Variants in MFN1 observed in about 807,000 individuals in gnomAD.
The protein encoded by MFN1 is mitofusin-1.
Under a neutral mutation model 92.4 loss-of-function variants are expected in MFN1, and 65 were observed. The ratio of observed to expected loss-of-function variants is 0.70; its 90% CI spans 0.58 to 0.86. The LOEUF (loss-of-function observed/expected upper bound fraction) is 0.86, where lower values mean the gene tolerates loss of function less well. Ranked by LOEUF, MFN1 falls within the 40% of genes least tolerant of loss-of-function variation. The pLI is 0.00. For synonymous variants in MFN1, 297 were observed against 300.9 expected (o/e 0.99, Z 0.13); for missense variants, 781 against 868.0 (o/e 0.90, Z 1.26).
chr3:179,352,122 C>G (rs1399200202), intron 3 of MFN1, 87 bp downstream of exon 3: 4 of 1,356,648 alleles, frequency 2.9e-6, no homozygotes, highest in Non-Finnish European at 4.0e-6. Flanking sequence ...CTCCCATCCT[C>G]CCCCAGCCCC....
In MFN1 at chr3:179,394,799, TACTTCA is replaced by T; in HGVS notation, c.*2742_*2747del. The T allele has an allele frequency of 6.6e-6, 1 of 152,244 alleles. No individual in the cohort carries two copies. The highest frequency in any genetic ancestry group is 1.9e-4 in the East Asian group (1 of 5,204). The allele number at this position is 152,244 out of a possible 1,614,324, so 9.4% of individuals were successfully genotyped here. On this transcript the variant is annotated 3_prime_UTR_variant, in exon 18 of 18. Coordinates refer to ENST00000471841, the MANE Select transcript of MFN1 (RefSeq NM_033540.3). The stretch of plus-strand genomic sequence containing the variant: ...AGGAATTATGTAATTATGAGTGATG[TACTTCA>T]AAGTTATTGCACATACACTTGTTTA...
chr3:179,365,610 A>G (rs796705632), intron 7 of MFN1, among the ~76,000 whole-genome samples: 9 of 152,308 alleles, frequency 5.9e-5, no homozygotes, highest in African/African-American at 2.2e-4. Context: ...AATCCAGATC[A>G]AAAAGCAGAC....
chr3:179,360,511 C>T (rs1436580743), intron 4 of MFN1, among the ~76,000 whole-genome samples: 2 of 151,084 alleles, frequency 1.3e-5, no homozygotes, highest in African/African-American at 4.9e-5. Context: ...AATTCCCTAC[C>T]TTTCATAAAT....
At position 179,348,936 on chromosome 3, in the gene MFN1, G is replaced by A; in HGVS notation, c.85G>A (p.Val29Ile). ...TAIFDQLLEF[V>I]TEGSHFVEAT... ...AATCTTTGACCAGTTACTGGAGTTT[G>A]TTACTGAAGGATCACATTTTGTTGA... The change falls in exon 2 of 18, where the codon GTT becomes ATT. Residue 29 changes from valine to isoleucine, a missense_variant. Coordinates refer to ENST00000471841, the MANE Select transcript of MFN1 (RefSeq NM_033540.3). 1 of 1,593,048 alleles carries A rather than the reference G, an allele frequency of 6.3e-7. No homozygotes were observed. Among genetic ancestry groups the A allele is most frequent in the Non-Finnish European group, 8.6e-7 (1 of 1,163,636 alleles).
At chr3:179,369,332 C>T (rs139941938) in intron 9 of MFN1, among the ~76,000 whole-genome samples, 121 of 152,312 alleles carry the variant, frequency 7.9e-4, no homozygotes, top group African/African-American at 2.7e-3. Flanking sequence ...CCACCTCAGC[C>T]TCCTCTCCTC....
At chr3:179,364,593 C>T (rs552345286) in intron 6 of MFN1, among the ~76,000 whole-genome samples, 188 bp downstream of exon 6, 3 of 152,152 alleles carry the variant, frequency 2.0e-5, no homozygotes, top group African/African-American at 7.2e-5. Context: ...TGTGTAGTTC[C>T]CTGGATTTCT....
rs1215344169 is a variant in MFN1 at position 179,366,236 on chromosome 3, G to A, written c.753+1011G>A. 2.0e-5 allele frequency among the ~76,000 whole-genome samples: 3 copies of A among 152,106 alleles called. No individual in the cohort carries two copies. The East Asian group carries it at 5.8e-4, about 29-fold the overall frequency. Reference sequence around the variant, plus strand: ...TAATGCAGACGTCAGTAAACCATGGGTATATGTACTTAGAGGTAAAACTGC... The same window carrying A: ...TAATGCAGACGTCAGTAAACCATGGATATATGTACTTAGAGGTAAAACTGC... On this transcript the variant is annotated intron_variant, in intron 7 of 17. Coordinates refer to ENST00000471841, the MANE Select transcript of MFN1 (RefSeq NM_033540.3).
intron 14 of MFN1, among the ~76,000 whole-genome samples, 194 bp from the exon 15 acceptor site, chr3:179,385,375 T>C (rs919486796): frequency 2.0e-5 from 3 of 152,104 alleles, no homozygotes; most frequent in Non-Finnish European, 4.4e-5. Context: ...AATTTATTGT[T>C]CATGATATCA....
At chr3:179,348,628 G>T in intron 1 of MFN1, 1 of 552,454 alleles carries the variant, frequency 1.8e-6, no homozygotes, top group South Asian at 4.6e-5. Flanking sequence ...TTGCAACCAA[G>T]ATTTTGGCTA....
intron 17 of MFN1, among the ~76,000 whole-genome samples, chr3:179,391,604 T>C (rs1431544389): frequency 6.6e-6 from 1 of 152,158 alleles, no homozygotes; most frequent in Non-Finnish European, 1.5e-5. Context: ...CCTGGCATAG[T>C]GTGAGAGTGG....
At chr3:179,375,106 T>G in intron 9 of MFN1, 114 bp from the exon 10 acceptor site, 1 of 1,204,276 alleles carries the variant, frequency 8.3e-7, no homozygotes, top group Non-Finnish European at 1.1e-6. Context: ...TCATTTGTTT[T>G]CTATCTTTAT....
intron 4 of MFN1, among the ~76,000 whole-genome samples, chr3:179,361,927 T>A (rs1712596255): frequency 1.3e-5 from 2 of 152,380 alleles, no homozygotes; most frequent in African/African-American, 2.4e-5. Context: ...GCTCCATCCA[T>A]GTTCCTGCAA....
intron 14 of MFN1, 135 bp downstream of exon 14, chr3:179,378,949 T>A: frequency 2.7e-6 from 2 of 728,408 alleles, no homozygotes; most frequent in Non-Finnish European, 4.4e-6. Flanking sequence ...ATTTCTGAGG[T>A]AGATATTTAG....
At position 179,355,345 on chromosome 3, in the gene MFN1, A is replaced by G. The variant is rs1282341616; in HGVS notation, c.248+3310A>G. The stretch of plus-strand genomic sequence containing the variant: ...ACTTAAAATGCCTCATCTCCTGGGA[A>G]TGCAGCCCAGTAGGTCTCATCCTCA... On this transcript the variant is annotated intron_variant, in intron 3 of 17. Transcript: ENST00000471841. Among the ~76,000 whole-genome samples the G allele has an allele frequency of 2.6e-5, 4 of 152,102 alleles. No individual in the cohort carries two copies. In the East Asian group the frequency reaches 7.7e-4, roughly 29 times the overall value.
rs138019024 is a variant in MFN1, at chr3:179,388,568, C to T, written c.2013-1436C>T. On this transcript the variant is annotated intron_variant, in intron 16 of 17. Coordinates refer to ENST00000471841, the MANE Select transcript of MFN1 (RefSeq NM_033540.3). The stretch of plus-strand genomic sequence containing the variant: ...TAAAAATTCTTTGAGTTCAAGATAA[C>T]TTCAGTTTAATGGAAGAAACTAACA... 6.3e-3 allele frequency among the ~76,000 whole-genome samples: 956 copies of T among 152,200 alleles called. 11 individuals carry two copies. The highest frequency in any genetic ancestry group is 0.022 in the African/African-American group (908 of 41,526).
intron 2 of MFN1, among the ~76,000 whole-genome samples, chr3:179,350,101 C>T (rs1056859597): frequency 2.0e-5 from 3 of 151,596 alleles, no homozygotes; most frequent in African/African-American, 7.3e-5. Flanking sequence ...TGCAGTGAAC[C>T]GAAGTCGCCC....
intron 9 of MFN1, among the ~76,000 whole-genome samples, chr3:179,373,724 A>G (rs1055900342): frequency 6.6e-6 from 1 of 151,830 alleles, no homozygotes; most frequent in Non-Finnish European, 1.5e-5. Flanking sequence ...CCCAGGCTGG[A>G]GTGCAGTGGC....
intron 14 of MFN1, among the ~76,000 whole-genome samples, chr3:179,384,444 A>G (rs181102952): frequency 2.9e-4 from 44 of 152,216 alleles, no homozygotes; most frequent in African/African-American, 9.9e-4. Context: ...CCATTTGTGT[A>G]TCTTCTTTTG....
intron 12 of MFN1, 79 bp downstream of exon 12, chr3:179,377,527 T>C (rs1210562839): frequency 1.2e-6 from 1 of 846,940 alleles, no homozygotes; most frequent in East Asian, 2.7e-5. Context: ...TGGTTTGGCA[T>C]TTCAGTGTAT....
Sources: gnomAD v4.1 joint callset for allele counts (sites outside exome capture counted in the v4.1 genomes callset) on GRCh38, gnomAD v4.1.1 for gene constraint, MANE v1.5 for transcripts, NCBI Gene and HGNC (gene_info 2026-07-23, HGNC 2026-07-21) for gene names.